CES3: variants seen among roughly 807,000 people sequenced by gnomAD.
The protein encoded by CES3 is carboxylesterase 3.
In CES3, 49 loss-of-function variants were observed where a neutral mutation model predicts 57.6. The ratio of observed to expected loss-of-function variants is 0.85; its 90% CI spans 0.68 to 1.08. The LOEUF is 1.08. Ranked by LOEUF, CES3 falls within the 50% of genes least tolerant of loss-of-function variation. The pLI is 0.00. For synonymous variants in CES3, 266 were observed against 281.6 expected (o/e 0.94, Z 0.55); for missense variants, 645 against 742.0 (o/e 0.87, Z 1.52).
Position 66,972,455 on chromosome 16 carries a change from G to A in CES3, c.1391G>A (p.Gly464Asp). The A allele has an allele frequency of 6.2e-7, 1 of 1,614,062 alleles. No individual in the cohort carries two copies. Among genetic ancestry groups the A allele is most frequent in the Non-Finnish European group, 8.5e-7 (1 of 1,180,004 alleles). Reference protein sequence around the residue: ...AWVKADHGAEGAFVFGGPFLM... With the variant: ...AWVKADHGAEDAFVFGGPFLM... ...GTGAAGGCTGATCATGGGGCCGAGG[G>A]TGCTTTTGTGTTCGGAGGTCCCTTC... Residue 464 changes from glycine (G) to aspartate (D), a missense_variant, in exon 11 of 13, where the codon GGT becomes GAT. Gly to Asp is a moderately conservative substitution (Grantham distance 94). Transcript: ENST00000303334.
intron 10 of CES3, among the ~76,000 whole-genome samples, chr16:66,972,115 C>A (rs1200960689): frequency 6.6e-6 from 1 of 151,976 alleles, no homozygotes; most frequent in Non-Finnish European, 1.5e-5. Flanking sequence ...CCAGCCTGGT[C>A]GACAGCAAGA....
chr16:66,967,234 C>T (rs1345597040), intron 8 of CES3, among the ~76,000 whole-genome samples: 1 of 152,206 alleles, frequency 6.6e-6, no homozygotes, highest in East Asian at 1.9e-4. Flanking sequence ...AGGCACATGC[C>T]ACCACACCCA....
chr16:66,970,847 C>T (rs1407251027), intron 9 of CES3, among the ~76,000 whole-genome samples: 1 of 152,190 alleles, frequency 6.6e-6, no homozygotes, highest in Non-Finnish European at 1.5e-5. Context: ...TCACTTACTT[C>T]CCAGTTAACT....
At chr16:66,969,269 G>T (rs539132773) in intron 8 of CES3, among the ~76,000 whole-genome samples, 1 of 152,106 alleles carries the variant, frequency 6.6e-6, no homozygotes, top group Non-Finnish European at 1.5e-5. Context: ...AGCCAGGCAC[G>T]GTGGTGCACG....
At chr16:66,966,135 A>G (rs1344172529) in intron 6 of CES3, 109 bp from the exon 7 acceptor site, 9 of 951,608 alleles carry the variant, frequency 9.5e-6, no homozygotes, top group Non-Finnish European at 1.3e-5. Context: ...CCGATCTGTG[A>G]CATCACATCC....
chr16:66,964,786 G>A (rs1963707739), intron 6 of CES3, 59 bp downstream of exon 6: 4 of 1,400,156 alleles, frequency 2.9e-6, no homozygotes, highest in African/African-American at 2.9e-5. Context: ...ACTCTGTGCT[G>A]GCCCTGGGGT....
intron 8 of CES3, among the ~76,000 whole-genome samples, chr16:66,969,099 T>C (rs896403750): frequency 5.9e-5 from 9 of 152,094 alleles, no homozygotes; most frequent in Non-Finnish European, 1.2e-4. Context: ...TTGCTGAGAA[T>C]GTTTCTTAGA....
intron 1 of CES3, 45 bp downstream of exon 1, chr16:66,961,434 A>T (rs750164404): frequency 6.6e-7 from 1 of 1,513,272 alleles, no homozygotes; most frequent in Non-Finnish European, 9.1e-7. Flanking sequence ...GGTGTGGAGG[A>T]GTCAAGAGTG....
intron 8 of CES3, among the ~76,000 whole-genome samples, chr16:66,967,142 G>A (rs1236390162): frequency 6.6e-6 from 1 of 152,016 alleles, no homozygotes; most frequent in Non-Finnish European, 1.5e-5. Context: ...GAGTGCAGTG[G>A]TGCGATCTCA....
intron 9 of CES3, among the ~76,000 whole-genome samples, chr16:66,970,685 C>T (rs1219758851): frequency 3.3e-5 from 5 of 152,210 alleles, no homozygotes; most frequent in African/African-American, 7.2e-5. Flanking sequence ...GGAGACTAGA[C>T]GTTGCATTTG....
Position 66,963,213 on chromosome 16 carries a change from C to G in CES3, c.117C>G (p.Thr39=), listed in dbSNP as rs201039355. Residue 39 remains threonine, a synonymous_variant, in exon 2 of 13, where the codon ACC becomes ACG. Coordinates refer to ENST00000303334, the MANE Select transcript of CES3 (RefSeq NM_024922.6). This position sits in a 1 kb window ranked among gnomAD's most constrained non-coding sequence, Gnocchi z 4.9. ...TTGCTCAGCCTGAAGTAGACACCAC[C>G]CTGGGTCGTGTGCGAGGCCGGCAGG... ...PEVAQPEVDT[T]LGRVRGRQVG... is the part of the protein sequence containing the mutation. 2 of 1,614,244 alleles carry G rather than the reference C, an allele frequency of 1.2e-6. No individual in the cohort carries two copies. Among genetic ancestry groups the G allele is most frequent in the Non-Finnish European group, 1.7e-6 (2 of 1,180,044 alleles).
In CES3 at chr16:66,972,722, A is replaced by G. The variant is rs747996666; in HGVS notation, c.1496A>G (p.Gln499Arg). The change falls in exon 12 of 13, where the codon CAG becomes CGG. Residue 499 changes from glutamine (Q) to arginine (R), a missense_variant. By Grantham distance (43) the Gln-to-Arg change is conservative. Coordinates refer to ENST00000303334, the MANE Select transcript of CES3 (RefSeq NM_024922.6). ...CAGCTAAGCCTCACCATGATGGCCC[A>G]GTGGACCCACTTTGCCCGGACAGGG... ...EKQLSLTMMA[Q>R]WTHFARTGDP... 1.1e-5 allele frequency: 17 copies of G among 1,614,204 alleles called. 1 individual carries two copies. In the South Asian group the frequency reaches 1.8e-4, roughly 17 times the overall value.
chr16:66,970,085 GTTTTC>G (rs1175373403), intron 9 of CES3, among the ~76,000 whole-genome samples: 63 of 149,552 alleles, frequency 4.2e-4, no homozygotes, highest in African/African-American at 4.2e-4. Context: ...CTGCAACTCT[GTTTTC>G]TTTTCTTTTC....
At position 66,972,760 on chromosome 16, in the gene CES3, A is replaced by G. The variant is rs991362568; in HGVS notation, c.1520+14A>G. On this transcript the variant is annotated intron_variant, in intron 12 of 12. Coordinates refer to ENST00000303334, the MANE Select transcript of CES3 (RefSeq NM_024922.6). ...TGCCCGGACAGGGTGAGTGAGTGACAGGGCATAGCTCGCTTTGGGCCTGGG... is the reference window on the plus strand; with the variant it reads ...TGCCCGGACAGGGTGAGTGAGTGACGGGGCATAGCTCGCTTTGGGCCTGGG... 11 of 1,614,190 alleles carry G rather than the reference A, an allele frequency of 6.8e-6. No homozygotes were observed. Among genetic ancestry groups the G allele is most frequent in the Non-Finnish European group, 9.3e-6 (11 of 1,180,012 alleles).
At chr16:66,971,803 T>C (rs1313297245) in intron 10 of CES3, among the ~76,000 whole-genome samples, 1 of 152,180 alleles carries the variant, frequency 6.6e-6, no homozygotes, top group Non-Finnish European at 1.5e-5. Flanking sequence ...AATCTATTAA[T>C]TCTATTAATA....
At chr16:66,967,426 T>C (rs1016032353) in intron 8 of CES3, 93 of 871,526 alleles carry the variant, frequency 1.1e-4, no homozygotes, top group Non-Finnish European at 1.2e-4. Context: ...GGGCAGCATA[T>C]TCCTGCCTTG....
At chr16:66,964,070 G>C in intron 4 of CES3, 135 bp downstream of exon 4, 4 of 1,353,614 alleles carry the variant, frequency 3.0e-6, no homozygotes, top group Non-Finnish European at 4.0e-6. Context: ...GCAGAGAAGG[G>C]CACCCCCCAA....
In CES3 at chr16:66,973,128, C is replaced by T. The variant is rs924295794; in HGVS notation, c.*79C>T. The stretch of plus-strand genomic sequence containing the variant: ...AGTCCCAGCACGGCAGCCCGCCTCT[C>T]CCCCTGCTGAGACTTTAATCTCCAC... On this transcript the variant is annotated 3_prime_UTR_variant, in exon 13 of 13. Transcript: ENST00000303334. The T allele has an allele frequency of 1.5e-6, 2 of 1,299,138 alleles. No individual in the cohort carries two copies. The highest frequency in any genetic ancestry group is 2.1e-6 in the Non-Finnish European group (2 of 930,988). 80.5% of individuals were successfully genotyped at this position (1,299,138 alleles called of 1,614,324 possible).
chr16:66,969,459 T>C (rs956454136), intron 8 of CES3, among the ~76,000 whole-genome samples: 1 of 152,188 alleles, frequency 6.6e-6, no homozygotes, highest in Admixed American at 6.5e-5. Context: ...TTTAACCACT[T>C]GCCTGTTGTA....
Sources: gnomAD v4.1 joint callset for allele counts (sites outside exome capture counted in the v4.1 genomes callset) on GRCh38, gnomAD v4.1.1 for gene constraint, Gnocchi (gnomAD v3.1) non-coding constraint, MANE v1.5 for transcripts, NCBI Gene and HGNC (gene_info 2026-07-23, HGNC 2026-07-21) for gene names.